The following TMC1 variants were observed in gnomAD, a reference collection of about 807,000 sequenced individuals.
The protein encoded by TMC1 is transmembrane channel-like protein 1.
A neutral mutation model predicts 105.8 loss-of-function variants in TMC1; 84 were observed. The observed-to-expected ratio is 0.79, with a 90% CI of 0.67 to 0.95. The LOEUF (loss-of-function observed/expected upper bound fraction) is 0.95. Among genes scored for constraint, TMC1 ranks in the 40% least tolerant of loss-of-function variants. The pLI is 0.00. For missense variants in TMC1, 817 were observed against 914.1 expected (o/e 0.89, Z 1.37); for synonymous variants, 315 against 311.5 (o/e 1.01, Z -0.12).
intron 10 of TMC1, among the ~76,000 whole-genome samples, chr9:72,750,651 C>T (rs1411467460): frequency 6.6e-6 from 1 of 152,128 alleles, no homozygotes; most frequent in African/African-American, 2.4e-5. Flanking sequence ...TATTCATTCC[C>T]CAAAGCTGAA....
chr9:72,743,368 C>T (rs1483109569), intron 10 of TMC1, among the ~76,000 whole-genome samples: 1 of 110,186 alleles, frequency 9.1e-6, no homozygotes, highest in East Asian at 2.8e-4. Context: ...CTCCGTCTCA[C>T]AAAAAAAAAA....
intron 2 of TMC1, among the ~76,000 whole-genome samples, chr9:72,587,940 C>T (rs1824580145): frequency 6.6e-6 from 1 of 152,016 alleles, no homozygotes; most frequent in African/African-American, 2.4e-5. Context: ...CATGCACCCC[C>T]ATGCCTGGCT....
Position 72,648,631 on chromosome 9 carries a change from T to C in TMC1, c.-18T>C. 1 of 1,612,852 alleles carries C rather than the reference T, an allele frequency of 6.2e-7. No individual in the cohort carries two copies. Among genetic ancestry groups the C allele is most frequent in the Non-Finnish European group, 8.5e-7 (1 of 1,178,922 alleles). ...AAACTAGCCAGCCACTGAGACCTTC[T>C]GACAGGACACCCCCAGGATGTCACC... On this transcript the variant is annotated 5_prime_UTR_variant, in exon 5 of 24. Coordinates refer to ENST00000297784, the MANE Select transcript of TMC1 (RefSeq NM_138691.3).
chr9:72,747,802 A>T (rs1564528624), intron 10 of TMC1, among the ~76,000 whole-genome samples: 1 of 151,898 alleles, frequency 6.6e-6, no homozygotes. Context: ...CAACATGTTG[A>T]CCAGGCAGGT....
intron 11 of TMC1, among the ~76,000 whole-genome samples, chr9:72,753,308 T>TTTTTG (rs398010937): frequency 6.9e-6 from 1 of 144,098 alleles, no homozygotes; most frequent in East Asian, 2.0e-4. Context: ...TTTTTTTTTT[T>TTTTTG]GCTTACCTTT....
chr9:72,725,325 G>GTATATATATATA (rs57562145), intron 8 of TMC1, among the ~76,000 whole-genome samples: 148 of 77,456 alleles, frequency 1.9e-3, no homozygotes, highest in South Asian at 2.7e-3. Flanking sequence ...ATGTGTGTAT[G>GTATATATATATA]TATATATATA....
intron 1 of TMC1, among the ~76,000 whole-genome samples, chr9:72,574,436 A>G (rs1824341036): frequency 6.6e-6 from 1 of 152,250 alleles, no homozygotes; most frequent in Non-Finnish European, 1.5e-5. Context: ...CCAATATCTG[A>G]ATATTGCAGC....
intron 2 of TMC1, among the ~76,000 whole-genome samples, chr9:72,597,325 C>T (rs962980813): frequency 3.9e-5 from 6 of 152,136 alleles, no homozygotes; most frequent in Admixed American, 3.9e-4. Flanking sequence ...ACAGGGACTG[C>T]GCTCCTCATG....
rs548848080 is a variant in TMC1, at chr9:72,580,073, G to C, written c.-306+2050G>C. On this transcript the variant is annotated intron_variant, in intron 2 of 23. Coordinates refer to ENST00000297784, the MANE Select transcript of TMC1 (RefSeq NM_138691.3). ...CTACAGCTTTGCTATTTAAAAGAGC[G>C]TGGTCCGTGGACTAGCAGAATCAGT... Among the ~76,000 whole-genome samples the C allele has an allele frequency of 6.6e-5, 10 of 152,268 alleles. No individual in the cohort carries two copies. The East Asian group carries it at 1.9e-3, about 29-fold the overall frequency.
chr9:72,711,894 G>A (rs562837564), intron 8 of TMC1, among the ~76,000 whole-genome samples: 6 of 152,172 alleles, frequency 3.9e-5, no homozygotes, highest in Non-Finnish European at 5.9e-5. Flanking sequence ...GGGTTTTTAC[G>A]GTTTTAGGTT....
intron 12 of TMC1, among the ~76,000 whole-genome samples, chr9:72,764,947 T>C (rs1827808015): frequency 1.3e-5 from 2 of 152,084 alleles, no homozygotes; most frequent in Non-Finnish European, 2.9e-5. Context: ...GGAATAAGGG[T>C]TCAGTGTCCG....
At chr9:72,606,441 A>G (rs1824913905) in intron 2 of TMC1, among the ~76,000 whole-genome samples, 1 of 152,218 alleles carries the variant, frequency 6.6e-6, no homozygotes, top group African/African-American at 2.4e-5. Flanking sequence ...CTGGTAAAAC[A>G]TGGGAGTGAA....
At chr9:72,524,232 A>G (rs1823364339) in intron 1 of TMC1, among the ~76,000 whole-genome samples, 1 of 152,244 alleles carries the variant, frequency 6.6e-6, no homozygotes, top group Non-Finnish European at 1.5e-5. Flanking sequence ...AAATAGAGAA[A>G]GAAAATAGCA....
At chr9:72,783,400 T>C (rs1205207346) in intron 13 of TMC1, among the ~76,000 whole-genome samples, 1 of 152,142 alleles carries the variant, frequency 6.6e-6, no homozygotes, top group African/African-American at 2.4e-5. Context: ...TGGAGTCTGA[T>C]ATCCAAGAGC....
At chr9:72,609,406 G>A (rs948486038) in intron 2 of TMC1, among the ~76,000 whole-genome samples, 2 of 152,146 alleles carry the variant, frequency 1.3e-5, no homozygotes, top group Non-Finnish European at 2.9e-5. Flanking sequence ...GTGTATGGTG[G>A]CACCGCACCT....
chr9:72,744,790 A>G (rs1029052715), intron 10 of TMC1, among the ~76,000 whole-genome samples: 2 of 152,242 alleles, frequency 1.3e-5, no homozygotes, highest in Non-Finnish European at 1.5e-5. Context: ...TAATAGTAAT[A>G]TCATGCTCAT....
intron 12 of TMC1, among the ~76,000 whole-genome samples, chr9:72,771,875 T>C (rs571151590): frequency 6.6e-6 from 1 of 152,212 alleles, no homozygotes. Context: ...AATGCTGTGA[T>C]AGTCTTGATG....
At chr9:72,769,064 A>C (rs1006295524) in intron 12 of TMC1, among the ~76,000 whole-genome samples, 1 of 152,234 alleles carries the variant, frequency 6.6e-6, no homozygotes, top group Non-Finnish European at 1.5e-5. Context: ...CTGGATAAAG[A>C]AAGCACAGGA....
intron 2 of TMC1, among the ~76,000 whole-genome samples, chr9:72,591,147 G>A (rs756745853): frequency 1.3e-4 from 20 of 152,162 alleles, no homozygotes; most frequent in Admixed American, 4.6e-4. Flanking sequence ...CCCCTTGCTT[G>A]TTGGTTTGCC....
Sources: gnomAD v4.1 joint callset for allele counts (sites outside exome capture counted in the v4.1 genomes callset) on GRCh38, gnomAD v4.1.1 for gene constraint, MANE v1.5 for transcripts, NCBI Gene and HGNC (gene_info 2026-07-23, HGNC 2026-07-21) for gene names.